The following KCNMA1 variants were observed in gnomAD, a reference collection of about 807,000 sequenced individuals.
The protein encoded by KCNMA1 is Calcium-activated potassium channel subunit alpha-1.
Under a neutral mutation model 140.0 loss-of-function variants are expected in KCNMA1, and 29 were observed. The ratio of observed to expected loss-of-function variants is 0.21; its 90% CI spans 0.15 to 0.28. The LOEUF (loss-of-function observed/expected upper bound fraction) is 0.28, where lower values mean the gene tolerates loss of function less well. Ranked by LOEUF, KCNMA1 falls within the 10% of genes least tolerant of loss-of-function variation. The probability of loss-of-function intolerance (pLI) is 1.00; values close to 1 mark genes in which losing one functional copy is unlikely to be tolerated. For missense variants in KCNMA1, 880 were observed against 1,602.2 expected (o/e 0.55, Z 7.70); for synonymous variants, 612 against 611.9 (o/e 1.00, Z 0.00).
At chr10:77,428,921 A>T (rs1007783098) in intron 1 of KCNMA1, among the ~76,000 whole-genome samples, 1 of 152,174 alleles carries the variant, frequency 6.6e-6, no homozygotes, top group Non-Finnish European at 1.5e-5. Context: ...ACCACAGAGC[A>T]AAGCGAGCTG....
chr10:76,990,896 T>C (rs2082555228), intron 19 of KCNMA1, among the ~76,000 whole-genome samples: 1 of 152,216 alleles, frequency 6.6e-6, no homozygotes, highest in African/African-American at 2.4e-5. Flanking sequence ...AGGAAAACTC[T>C]TCCTTGGCTT....
intron 19 of KCNMA1, among the ~76,000 whole-genome samples, chr10:76,983,093 C>A (rs1201171874): frequency 6.6e-6 from 1 of 152,316 alleles, no homozygotes; most frequent in Admixed American, 6.5e-5. Flanking sequence ...TGGAAGGAAA[C>A]CCGTCAGGGT....
chr10:77,248,480 G>T (rs755056572), intron 3 of KCNMA1, among the ~76,000 whole-genome samples: 63 of 152,188 alleles, frequency 4.1e-4, no homozygotes, highest in Non-Finnish European at 6.0e-4. Flanking sequence ...TATTTGAAGG[G>T]TGTAAATACT....
intron 1 of KCNMA1, among the ~76,000 whole-genome samples, chr10:77,463,471 AC>A (rs34686597): frequency 0.58 from 88,348 of 151,560 alleles, 26,229 homozygotes; most frequent in African/African-American, 0.67. Context: ...GGGGCAACTC[AC>A]AAAAGCCTGA....
chr10:77,615,039 C>A (rs1001542669), intron 1 of KCNMA1, among the ~76,000 whole-genome samples: 6 of 152,178 alleles, frequency 3.9e-5, no homozygotes, highest in Non-Finnish European at 5.9e-5. Flanking sequence ...AACACATAAT[C>A]CCTGATAGAG....
chr10:77,199,280 T>G (rs1383444536), intron 3 of KCNMA1, among the ~76,000 whole-genome samples: 2 of 152,256 alleles, frequency 1.3e-5, no homozygotes, highest in African/African-American at 4.8e-5. Flanking sequence ...TGACAGGCAC[T>G]ATGCTGGTTT....
intron 18 of KCNMA1, among the ~76,000 whole-genome samples, chr10:77,003,308 C>CA (rs34473997): frequency 1.7e-4 from 25 of 150,802 alleles, no homozygotes; most frequent in East Asian, 2.0e-4. Context: ...TAGCTTTTAC[C>CA]AAAAAAAAAT....
intron 18 of KCNMA1, among the ~76,000 whole-genome samples, chr10:77,004,151 C>T (rs2087522847): frequency 6.6e-6 from 1 of 151,162 alleles, no homozygotes; most frequent in South Asian, 2.1e-4. Context: ...TCATTCCTTC[C>T]CAATCATTTT....
chr10:77,253,900 G>T (rs1207739085), intron 2 of KCNMA1, among the ~76,000 whole-genome samples: 11 of 152,222 alleles, frequency 7.2e-5, no homozygotes, highest in Non-Finnish European at 2.9e-5. Context: ...TGTCAGCCCA[G>T]ATCCAGGTGC....
intron 2 of KCNMA1, among the ~76,000 whole-genome samples, chr10:77,276,433 T>C (rs1478407869): frequency 6.6e-6 from 1 of 152,214 alleles, no homozygotes; most frequent in Non-Finnish European, 1.5e-5. Context: ...CACTCATTGA[T>C]CACAGAGAGG....
chr10:76,995,834 A>G (rs554684071), intron 19 of KCNMA1: 63 of 377,742 alleles, frequency 1.7e-4, no homozygotes, highest in South Asian at 9.1e-4. Flanking sequence ...CATTTATTAC[A>G]GCATGGTGTC....
chr10:76,913,832 T>A, intron 24 of KCNMA1: 1 of 511,234 alleles, frequency 2.0e-6, no homozygotes, highest in South Asian at 3.1e-5. Flanking sequence ...GTCAGATGGG[T>A]GTGATCAAAG....
chr10:76,887,418 C>T lies in KCNMA1; in HGVS notation c.3559G>A (p.Ala1187Thr). The change falls in exon 28 of 28, where the codon GCC becomes ACC. Residue 1187 changes from alanine (A) to threonine (T), a missense_variant. Around this residue, in one of 13 missense-constraint regions of KCNMA1, gnomAD observed 115 missense variants for 139.9 expected, o/e 0.82. Coordinates refer to ENST00000286628, the MANE Select transcript of KCNMA1 (RefSeq NM_001161352.2). ...QFDHNAGQSR[A>T]SLSHSSHSSQ... ...GAGTGGGAGGAATGGGACAGGCTGG[C>T]CCGGGACTGGCCGGCATTGTGGTCA... 6.2e-7 allele frequency: 1 copy of T among 1,614,114 alleles called. No individual in the cohort carries two copies. Among genetic ancestry groups the T allele is most frequent in the Non-Finnish European group, 8.5e-7 (1 of 1,180,024 alleles).
At chr10:77,243,368 T>C (rs1012161929) in intron 3 of KCNMA1, among the ~76,000 whole-genome samples, 13 of 152,232 alleles carry the variant, frequency 8.5e-5, no homozygotes, top group African/African-American at 3.1e-4. Flanking sequence ...CCCAGTGCCA[T>C]GTGACAGGGA....
chr10:77,405,704 T>A (rs1162313191), intron 1 of KCNMA1, among the ~76,000 whole-genome samples: 1 of 152,218 alleles, frequency 6.6e-6, no homozygotes, highest in Non-Finnish European at 1.5e-5. Context: ...ATTATGTTCA[T>A]CATTTAAAAC....
At chr10:77,426,105 G>C (rs1375087907) in intron 1 of KCNMA1, among the ~76,000 whole-genome samples, 1 of 152,180 alleles carries the variant, frequency 6.6e-6, no homozygotes, top group Admixed American at 6.5e-5. Context: ...ATGAGCATAT[G>C]AGTCCCACTT....
intron 20 of KCNMA1, among the ~76,000 whole-genome samples, chr10:76,962,774 C>A (rs1388255004): frequency 1.3e-5 from 2 of 152,138 alleles, no homozygotes; most frequent in East Asian, 3.9e-4. Flanking sequence ...GCAGAGGATG[C>A]AATCAAACTA....
At chr10:77,394,095 C>T (rs2095944994) in intron 2 of KCNMA1, among the ~76,000 whole-genome samples, 1 of 152,184 alleles carries the variant, frequency 6.6e-6, no homozygotes, top group Non-Finnish European at 1.5e-5. Context: ...AAGCAGGCAC[C>T]CACATGCACC....
intron 2 of KCNMA1, among the ~76,000 whole-genome samples, chr10:77,360,396 G>A (rs1306876289): frequency 1.4e-5 from 2 of 145,478 alleles, no homozygotes; most frequent in Non-Finnish European, 3.1e-5. Flanking sequence ...GAGCCCAGGG[G>A]CCAGAGAGCT....
Sources: gnomAD v4.1 joint callset for allele counts (sites outside exome capture counted in the v4.1 genomes callset) on GRCh38, gnomAD v4.1.1 for gene constraint, gnomAD v4.1.1 regional missense constraint, MANE v1.5 for transcripts, NCBI Gene and HGNC (gene_info 2026-07-23, HGNC 2026-07-21) for gene names.